The following CLASP2 variants were observed in gnomAD, a reference collection of about 807,000 sequenced individuals.
The protein encoded by CLASP2 is CLIP-associating protein 2.
In CLASP2, 47 loss-of-function variants were observed where a neutral mutation model predicts 194.4. The ratio of observed to expected loss-of-function variants is 0.24; its 90% CI spans 0.19 to 0.31. The LOEUF (loss-of-function observed/expected upper bound fraction) is 0.31, where lower values mean the gene tolerates loss of function less well. Ranked by LOEUF, CLASP2 falls within the 10% of genes least tolerant of loss-of-function variation. The pLI is 1.00. For synonymous variants in CLASP2, 619 were observed against 633.5 expected (o/e 0.98, Z 0.34); for missense variants, 1,445 against 1,823.6 (o/e 0.79, Z 3.78).
intron 7 of CLASP2, among the ~76,000 whole-genome samples, chr3:33,651,170 G>A (rs1009400485): frequency 6.6e-6 from 1 of 152,078 alleles, no homozygotes; most frequent in Non-Finnish European, 1.5e-5. Flanking sequence ...ATCATTTGAG[G>A]CCAGCAGTTT....
At chr3:33,651,415 A>C (rs1289204594) in intron 7 of CLASP2, among the ~76,000 whole-genome samples, 3 of 150,702 alleles carry the variant, frequency 2.0e-5, no homozygotes, top group Non-Finnish European at 4.4e-5. Context: ...CCCAGAAAAC[A>C]TTAATGTGCT....
chr3:33,684,337 AACC>A lies in CLASP2; in HGVS notation c.644+19_644+21del, dbSNP rs2090318254. 1 of 1,423,112 alleles carries A rather than the reference AACC, an allele frequency of 7.0e-7. No individual in the cohort carries two copies. Among genetic ancestry groups the A allele is most frequent in the Non-Finnish European group, 9.6e-7 (1 of 1,043,518 alleles). The allele number at this position is 1,423,112 out of a possible 1,614,324, so 88.2% of individuals were successfully genotyped here. On this transcript the variant is annotated intron_variant, in intron 6 of 38. Transcript: ENST00000682230. Reference sequence around the variant, plus strand: ...AACTAGTGGTGAAAAAAAAAAAAAGAACCAAATTTAGCAAGACTTACCTAGCAG... The same window carrying A: ...AACTAGTGGTGAAAAAAAAAAAAAGAAAATTTAGCAAGACTTACCTAGCAG...
At chr3:33,646,799 A>T (rs1038440271) in intron 7 of CLASP2, among the ~76,000 whole-genome samples, 6 of 152,236 alleles carry the variant, frequency 3.9e-5, no homozygotes, top group African/African-American at 1.4e-4. Context: ...TGCCAGTATA[A>T]CCAGTATCCA....
At chr3:33,576,472 A>C in intron 23 of CLASP2, 197 bp from the exon 24 acceptor site, 1 of 524,220 alleles carries the variant, frequency 1.9e-6, no homozygotes, top group Non-Finnish European at 3.5e-6. Context: ...ATTACTGACA[A>C]TGTGTGAAAA....
intron 7 of CLASP2, among the ~76,000 whole-genome samples, chr3:33,661,363 T>C (rs1056362927): frequency 6.6e-6 from 1 of 152,164 alleles, no homozygotes; most frequent in African/African-American, 2.4e-5. Flanking sequence ...GATTTCTGAG[T>C]AGCAAATGGA....
At chr3:33,579,079 T>A (rs1290571601) in intron 23 of CLASP2, among the ~76,000 whole-genome samples, 1 of 152,168 alleles carries the variant, frequency 6.6e-6, no homozygotes, top group African/African-American at 2.4e-5. Flanking sequence ...CTACCTTTCA[T>A]CCCTGCAAAA....
chr3:33,559,434 C>T (rs767725495), intron 28 of CLASP2, 49 bp from the exon 29 acceptor site: 88 of 1,054,822 alleles, frequency 8.3e-5, no homozygotes, highest in Non-Finnish European at 1.1e-4. Flanking sequence ...TTAGCAAGTA[C>T]GCATGTAACA....
Position 33,684,372 on chromosome 3 carries a change from T to C in CLASP2, c.631A>G (p.Ile211Val). The C allele has an allele frequency of 6.3e-7, 1 of 1,583,058 alleles. No individual in the cohort carries two copies. The highest frequency in any genetic ancestry group is 2.3e-5 in the East Asian group (1 of 43,026). Residue 211 changes from isoleucine to valine, a missense_variant, in exon 6 of 39, where the codon ATT becomes GTT. Coordinates refer to ENST00000682230, the MANE Select transcript of CLASP2 (RefSeq NM_001365631.1). Reference sequence around the variant, plus strand: ...AGCAAGACTTACCTAGCAGGGGGAATTCCTCTCTTATAAAGATCCATCCTC... The same window carrying C: ...AGCAAGACTTACCTAGCAGGGGGAACTCCTCTCTTATAAAGATCCATCCTC... Reference protein sequence around the residue: ...KVRMDLYKRGIPPARLEMIFA... With the variant: ...KVRMDLYKRGVPPARLEMIFA...
At chr3:33,619,355 T>C (rs752836746) in intron 12 of CLASP2, among the ~76,000 whole-genome samples, 19 of 152,328 alleles carry the variant, frequency 1.2e-4, no homozygotes, top group Middle Eastern at 6.8e-3. Flanking sequence ...TATGTACATG[T>C]ATGTATGTAT....
chr3:33,515,958 C>T, intron 36 of CLASP2, 65 bp downstream of exon 36: 4 of 1,476,120 alleles, frequency 2.7e-6, no homozygotes, highest in Non-Finnish European at 3.7e-6. Context: ...CTACATTTTA[C>T]ACAATGGTTA....
chr3:33,607,331 AT>A (rs956528275), intron 15 of CLASP2, 52 bp downstream of exon 15: 762 of 1,212,528 alleles, frequency 6.3e-4, no homozygotes, highest in South Asian at 1.0e-3. Flanking sequence ...CTCCTAATAC[AT>A]TTTTTTTTAA....
chr3:33,660,249 C>G (rs977398380), intron 7 of CLASP2, among the ~76,000 whole-genome samples: 6 of 152,180 alleles, frequency 3.9e-5, no homozygotes, highest in Non-Finnish European at 8.8e-5. Context: ...CAGGGGGTCT[C>G]CAACTTTCAG....
chr3:33,689,893 T>C lies in CLASP2; in HGVS notation c.314A>G (p.Asp105Gly). 6.3e-7 allele frequency: 1 copy of C among 1,599,192 alleles called. No individual in the cohort carries two copies. The highest frequency in any genetic ancestry group is 8.5e-7 in the Non-Finnish European group (1 of 1,173,172). Reference sequence around the variant, plus strand: ...AGTCTGAGCTTCATCTCGAACCTTGTCTTTGGCATCTCCCATTCTGTCTAT... The same window carrying C: ...AGTCTGAGCTTCATCTCGAACCTTGCCTTTGGCATCTCCCATTCTGTCTAT... ...ALIDRMGDAK[D>G]KVRDEAQTLI... Residue 105 changes from aspartate to glycine, a missense_variant, in exon 3 of 39, where the codon GAC becomes GGC. Coordinates refer to ENST00000682230, the MANE Select transcript of CLASP2 (RefSeq NM_001365631.1).
At chr3:33,671,900 G>A (rs986416832) in intron 6 of CLASP2, among the ~76,000 whole-genome samples, 7 of 152,176 alleles carry the variant, frequency 4.6e-5, no homozygotes, top group South Asian at 2.1e-4. Flanking sequence ...AGGGGTGCCC[G>A]CCATTGCCCA....
intron 12 of CLASP2, among the ~76,000 whole-genome samples, chr3:33,618,402 T>G (rs1192619761): frequency 6.6e-6 from 1 of 152,088 alleles, no homozygotes; most frequent in African/African-American, 2.4e-5. Flanking sequence ...CCCAACACTT[T>G]GGGAGGCTGA....
chr3:33,556,218 T>A (rs1030934924), intron 29 of CLASP2, among the ~76,000 whole-genome samples: 9 of 152,340 alleles, frequency 5.9e-5, no homozygotes, highest in African/African-American at 2.2e-4. Context: ...TAAAATTTTA[T>A]ATAAACATCC....
intron 8 of CLASP2, among the ~76,000 whole-genome samples, chr3:33,635,208 G>A (rs537964120): frequency 4.4e-4 from 67 of 151,958 alleles, no homozygotes; most frequent in African/African-American, 1.3e-3. Context: ...TGCAGTGAGT[G>A]TGAACTGAGA....
chr3:33,585,042 G>T, intron 21 of CLASP2, 122 bp from the exon 22 acceptor site: 1 of 766,568 alleles, frequency 1.3e-6, no homozygotes, highest in Non-Finnish European at 2.0e-6. Flanking sequence ...CAGGTTCTAC[G>T]CTCAAAGGAA....
intron 30 of CLASP2, among the ~76,000 whole-genome samples, chr3:33,550,240 A>G (rs1420580815): frequency 6.6e-6 from 1 of 151,734 alleles, no homozygotes; most frequent in East Asian, 1.9e-4. Flanking sequence ...CCCCAAAAAT[A>G]TAAAAATTAG....
Sources: gnomAD v4.1 joint callset for allele counts (sites outside exome capture counted in the v4.1 genomes callset) on GRCh38, gnomAD v4.1.1 for gene constraint, MANE v1.5 for transcripts, NCBI Gene and HGNC (gene_info 2026-07-23, HGNC 2026-07-21) for gene names.